Variants in HAUS5 observed in about 807,000 individuals in gnomAD.
The protein encoded by HAUS5 is HAUS augmin-like complex subunit 5.
A neutral mutation model predicts 94.1 loss-of-function variants in HAUS5; 67 were observed. The ratio of observed to expected loss-of-function variants is 0.71; its 90% CI spans 0.58 to 0.87. The LOEUF (loss-of-function observed/expected upper bound fraction) is 0.87, where lower values mean the gene tolerates loss of function less well. Ranked by LOEUF, HAUS5 falls within the 40% of genes least tolerant of loss-of-function variation. HAUS5 has a pLI of 0.00. For missense variants in HAUS5, 739 were observed against 825.6 expected (o/e 0.90, Z 1.29); for synonymous variants, 339 against 355.4 (o/e 0.95, Z 0.52).
At position 35,618,703 on chromosome 19, in the gene HAUS5, G is replaced by A. The variant is rs767683844; in HGVS notation, c.1016+4G>A. The stretch of plus-strand genomic sequence containing the variant: ...GCGTCCTGGGATCCAGTGAGAGGTG[G>A]GGGGCTCTCCGAGAAGAGGTCTCTA... On this transcript the variant is annotated splice_donor_region_variant and intron_variant, in intron 12 of 18. Coordinates refer to ENST00000203166, the MANE Select transcript of HAUS5 (RefSeq NM_015302.2). 1.3e-6 allele frequency: 2 copies of A among 1,579,804 alleles called. No homozygotes were observed. Among genetic ancestry groups the A allele is most frequent in the Admixed American group, 1.8e-5 (1 of 55,508 alleles).
chr19:35,618,733 A>G (rs2146338677), intron 12 of HAUS5, 34 bp downstream of exon 12: 1 of 1,550,564 alleles, frequency 6.4e-7, no homozygotes, highest in Non-Finnish European at 8.7e-7. Flanking sequence ...TCTCTAGGCC[A>G]TCTCGCTTCT....
Position 35,614,064 on chromosome 19 carries a change from G to A in HAUS5, c.219+5G>A, listed in dbSNP as rs2071919433. ...GGCCACCAGGACAGTCCACAGGTGA[G>A]AAGCATATGCTACAAGATTCTCTTT... On this transcript the variant is annotated splice_donor_5th_base_variant and intron_variant, in intron 4 of 18. Transcript: ENST00000203166. 1 of 1,613,156 alleles carries A rather than the reference G, an allele frequency of 6.2e-7. No homozygotes were observed. The highest frequency in any genetic ancestry group is 8.5e-7 in the Non-Finnish European group (1 of 1,179,124).
At chr19:35,620,677 C>T (rs1032898922) in intron 17 of HAUS5, among the ~76,000 whole-genome samples, 3 of 152,218 alleles carry the variant, frequency 2.0e-5, no homozygotes, top group Non-Finnish European at 2.9e-5. Context: ...TATACCTCAG[C>T]AGTTCAAAGC....
intron 13 of HAUS5, 96 bp from the exon 14 acceptor site, chr19:35,619,328 A>C: frequency 1.0e-6 from 1 of 990,450 alleles, no homozygotes. Flanking sequence ...GCAAGAGCCC[A>C]GGTGAGACTC....
chr19:35,613,591 G>T, intron 1 of HAUS5, 139 bp from the exon 2 acceptor site: 2 of 554,228 alleles, frequency 3.6e-6, no homozygotes, highest in Non-Finnish European at 6.1e-6. Context: ...AAAAAAAAAA[G>T]GCAAAAAAAA....
chr19:35,612,981 C>T (rs1176020981), intron 1 of HAUS5, 89 bp downstream of exon 1: 9 of 901,532 alleles, frequency 1.0e-5, no homozygotes, highest in Non-Finnish European at 1.1e-5. Flanking sequence ...GGACTCGACT[C>T]CCCCCAATTC....
At chr19:35,617,070 C>A in intron 6 of HAUS5, 54 bp from the exon 7 acceptor site, 1 of 1,445,442 alleles carries the variant, frequency 6.9e-7, no homozygotes, top group Non-Finnish European at 9.7e-7. Flanking sequence ...GGAGATGGGG[C>A]ACAGACATCT....
chr19:35,616,414 C>G (rs1302784632), intron 6 of HAUS5, among the ~76,000 whole-genome samples: 1 of 152,138 alleles, frequency 6.6e-6, no homozygotes, highest in Non-Finnish European at 1.5e-5. Flanking sequence ...ATATTAATAC[C>G]AAGCTTATAG....
At chr19:35,614,806 A>C (rs1269556698) in intron 4 of HAUS5, among the ~76,000 whole-genome samples, 1 of 152,140 alleles carries the variant, frequency 6.6e-6, no homozygotes, top group Non-Finnish European at 1.5e-5. Flanking sequence ...GGAAGAGATC[A>C]GTACTGGGAC....
Position 35,617,885 on chromosome 19 carries a change from G to A in HAUS5, c.669G>A (p.Ser223=), listed in dbSNP as rs201770855. 163 of 1,613,874 alleles carry A rather than the reference G, an allele frequency of 1.0e-4. No homozygotes were observed. The highest frequency in any genetic ancestry group is 1.6e-4 in the Middle Eastern group (1 of 6,080). Residue 223 remains serine (S), a synonymous_variant, in exon 9 of 19, where the codon TCG becomes TCA. Coordinates refer to ENST00000203166, the MANE Select transcript of HAUS5 (RefSeq NM_015302.2). ...CTCATGATGACCACTTTGGCACTTC[G>A]TACCAGCAGTGGCTGAGCTCAGTGG... ...PTPHDDHFGT[S]YQQWLSSVET... is the part of the protein sequence containing the mutation.
chr19:35,615,201 G>A (rs139942196), intron 5 of HAUS5, 26 bp from the exon 6 acceptor site: 116 of 1,612,896 alleles, frequency 7.2e-5, no homozygotes, highest in Non-Finnish European at 9.3e-5. Flanking sequence ...GAAAGGTGCT[G>A]ATGGCCACCC....
At chr19:35,619,812 T>C in intron 15 of HAUS5, 54 bp downstream of exon 15, 1 of 1,507,556 alleles carries the variant, frequency 6.6e-7, no homozygotes, top group Non-Finnish European at 8.9e-7. Context: ...TGGGTGACTG[T>C]CACTCCCTGA....
intron 4 of HAUS5, among the ~76,000 whole-genome samples, chr19:35,614,607 A>G (rs1374728077): frequency 6.6e-6 from 1 of 151,976 alleles, no homozygotes; most frequent in Non-Finnish European, 1.5e-5. Flanking sequence ...ATAAATAAAG[A>G]GCATTAATTA....
At chr19:35,617,995 A>G (rs1170723188) in intron 9 of HAUS5, 76 bp from the exon 10 acceptor site, 1 of 1,605,064 alleles carries the variant, frequency 6.2e-7, no homozygotes, top group Non-Finnish European at 8.5e-7. Flanking sequence ...ACTCTTGATG[A>G]CAGCCCTATT....
rs1289695142 is a variant in HAUS5, at chr19:35,617,911, A to G, written c.695A>G (p.Glu232Gly). Residue 232 changes from glutamate (E) to glycine (G), a missense_variant and splice_region_variant, in exon 9 of 19, where the codon GAG (glutamate) becomes GGG (glycine). By Grantham distance (98) the Glu-to-Gly change is moderately conservative (BLOSUM62 -2). Transcript: ENST00000203166. ...TACCAGCAGTGGCTGAGCTCAGTGG[A>G]GGTGAGAGGGCAGGGCTCTCAGGAA... Reference protein sequence around the residue: ...TSYQQWLSSVETLLTNHPPGH... With the variant: ...TSYQQWLSSVGTLLTNHPPGH... 4 of 1,613,722 alleles carry G rather than the reference A, an allele frequency of 2.5e-6. No individual in the cohort carries two copies. The highest frequency in any genetic ancestry group is 1.1e-5 in the South Asian group (1 of 91,076).
chr19:35,615,324 T>C lies in HAUS5; in HGVS notation c.423T>C (p.His141=), dbSNP rs780067915. 6.0e-5 allele frequency: 96 copies of C among 1,613,318 alleles called. No individual in the cohort carries two copies. Among genetic ancestry groups the C allele is most frequent in the Non-Finnish European group, 1.4e-5 (17 of 1,179,794 alleles). Residue 141 remains histidine, a synonymous_variant, in exon 6 of 19, where the codon CAT becomes CAC. Transcript: ENST00000203166. The stretch of plus-strand genomic sequence containing the variant: ...CTGGGGCCATGCGAAGACAGCAGCA[T>C]ACGCTCCGAGATCCCATGCAGCGGC... ...AQAGAMRRQQ[H]TLRDPMQRLQ...
At chr19:35,616,445 G>A (rs1307336867) in intron 6 of HAUS5, among the ~76,000 whole-genome samples, 1 of 152,172 alleles carries the variant, frequency 6.6e-6, no homozygotes, top group Non-Finnish European at 1.5e-5. Context: ...ATCGTTAGGT[G>A]GAATAAATCA....
At chr19:35,622,154 C>G (rs1297498163) in intron 17 of HAUS5, among the ~76,000 whole-genome samples, 2 of 152,030 alleles carry the variant, frequency 1.3e-5, no homozygotes, top group Non-Finnish European at 2.9e-5. Context: ...ACTGGAGAAC[C>G]TTGGAGGGTT....
chr19:35,614,131 C>A, intron 4 of HAUS5, 72 bp downstream of exon 4: 2 of 1,378,850 alleles, frequency 1.5e-6, no homozygotes, highest in Non-Finnish European at 1.0e-6. Flanking sequence ...CTAAGCCCAA[C>A]CAGGTGCTGG....
Sources: allele counts gnomAD v4.1 joint callset (sites outside exome capture counted in the v4.1 genomes callset), GRCh38; gene constraint gnomAD v4.1.1; transcripts MANE v1.5; gene names NCBI Gene and HGNC (gene_info 2026-07-23, HGNC 2026-07-21).